Variants in SNCAIP observed in about 807,000 individuals in gnomAD.
SNCAIP encodes synuclein alpha interacting protein, also known as synphilin-1.
In SNCAIP, 43 loss-of-function variants were observed where a neutral mutation model predicts 86.7. The observed-to-expected ratio is 0.50, with a 90% CI of 0.39 to 0.64. SNCAIP has a LOEUF of 0.64. SNCAIP is among the 30% of genes least tolerant of loss of function. SNCAIP has a pLI of 0.00. For synonymous variants in SNCAIP, 417 were observed against 427.2 expected, an observed-to-expected ratio of 0.98 and a Z score of 0.29; for missense variants, 981 against 1,103.1, an observed-to-expected ratio of 0.89 and a Z score of 1.57.
intron 3 of SNCAIP, among the ~76,000 whole-genome samples, chr5:122,419,050 A>G (rs1775864625): frequency 6.6e-6 from 1 of 152,166 alleles, no homozygotes; most frequent in African/African-American, 2.4e-5. Flanking sequence ...GCAGGGGTCA[A>G]GGAAGGAGAA....
At chr5:122,374,865 T>C (rs1309840269) in intron 1 of SNCAIP, among the ~76,000 whole-genome samples, 1 of 152,140 alleles carries the variant, frequency 6.6e-6, no homozygotes, top group African/African-American at 2.4e-5. Context: ...AAGGTACACA[T>C]AAATAATCTT....
At chr5:122,379,452 G>A (rs1766156484) in intron 1 of SNCAIP, among the ~76,000 whole-genome samples, 2 of 116,906 alleles carry the variant, frequency 1.7e-5, no homozygotes, top group African/African-American at 6.8e-5. Flanking sequence ...GAGACGATGG[G>A]GTTTTCTAGA....
chr5:122,329,145 A>C (rs1251173461), intron 1 of SNCAIP, among the ~76,000 whole-genome samples: 1 of 152,184 alleles, frequency 6.6e-6, no homozygotes, highest in East Asian at 1.9e-4. Flanking sequence ...AATTATAGCA[A>C]AAATAATAGT....
intron 5 of SNCAIP, among the ~76,000 whole-genome samples, chr5:122,426,237 A>G (rs1296367257): frequency 6.6e-6 from 1 of 152,254 alleles, no homozygotes; most frequent in Admixed American, 6.5e-5. Context: ...CATATTTATT[A>G]AAAAGCCAGA....
chr5:122,421,208 T>C (rs1561723329), intron 3 of SNCAIP, among the ~76,000 whole-genome samples: 1 of 152,218 alleles, frequency 6.6e-6, no homozygotes, highest in East Asian at 1.9e-4. Context: ...CAGCTCGTAG[T>C]ATTCTCTTCT....
In SNCAIP at chr5:122,381,704, G is replaced by A. The variant is rs1001314801; in HGVS notation, c.-46-9385G>A. 8.3e-4 allele frequency among the ~76,000 whole-genome samples: 126 copies of A among 151,842 alleles called. 1 individual carries two copies. Among genetic ancestry groups the A allele is most frequent in the African/African-American group, 2.9e-3 (118 of 41,376 alleles). ...CCGGTTGTTCCTTTCCATGTTTAGCGGTTCCTTCAGGAGCTCTTTTAGGGC... is the reference window on the plus strand; with the variant it reads ...CCGGTTGTTCCTTTCCATGTTTAGCAGTTCCTTCAGGAGCTCTTTTAGGGC... On this transcript the variant is annotated intron_variant, in intron 1 of 10. Transcript: ENST00000261368.
At chr5:122,402,241 G>A (rs895139319) in intron 2 of SNCAIP, among the ~76,000 whole-genome samples, 2 of 152,106 alleles carry the variant, frequency 1.3e-5, no homozygotes, top group Non-Finnish European at 2.9e-5. Flanking sequence ...TCCTTAGAGA[G>A]CTTGTACTTG....
intron 4 of SNCAIP, among the ~76,000 whole-genome samples, 184 bp downstream of exon 4, chr5:122,423,923 G>A (rs1776881479): frequency 6.6e-6 from 1 of 152,122 alleles, no homozygotes; most frequent in Admixed American, 6.5e-5. Context: ...GTTAATACAG[G>A]GAAAACAAAT....
At chr5:122,452,112 A>G (rs1783821082) in intron 10 of SNCAIP, among the ~76,000 whole-genome samples, 1 of 152,160 alleles carries the variant, frequency 6.6e-6, no homozygotes, top group South Asian at 2.1e-4. Context: ...CACCACAGGG[A>G]CCTCCACATA....
At chr5:122,345,690 TTTGTTG>T (rs148446884) in intron 1 of SNCAIP, among the ~76,000 whole-genome samples, 1 of 151,552 alleles carries the variant, frequency 6.6e-6, no homozygotes, top group South Asian at 2.1e-4. Flanking sequence ...AGTCAGGGGA[TTTGTTG>T]TTGTTGTTGT....
chr5:122,444,756 A>G, intron 8 of SNCAIP, 24 bp downstream of exon 8: 1 of 1,592,070 alleles, frequency 6.3e-7, no homozygotes, highest in Non-Finnish European at 8.6e-7. Context: ...TGGTTCCATG[A>G]GAACCAAGTC....
At chr5:122,449,402 G>A (rs1462448310) in intron 8 of SNCAIP, among the ~76,000 whole-genome samples, 1 of 152,014 alleles carries the variant, frequency 6.6e-6, no homozygotes, top group Non-Finnish European at 1.5e-5. Context: ...GCTGCAAATA[G>A]TATTTTGTAG....
At chr5:122,439,207 G>A (rs1179528131) in intron 6 of SNCAIP, among the ~76,000 whole-genome samples, 1 of 152,204 alleles carries the variant, frequency 6.6e-6, no homozygotes, top group African/African-American at 2.4e-5. Flanking sequence ...TTGAAGAAGA[G>A]GACTAAGCAT....
chr5:122,440,384 A>G (rs977427913), intron 6 of SNCAIP: 23 of 484,066 alleles, frequency 4.8e-5, no homozygotes, highest in African/African-American at 4.1e-4. Flanking sequence ...TATAGAATAG[A>G]TAAGTAAAAT....
chr5:122,440,852 C>T, intron 7 of SNCAIP, 98 bp downstream of exon 7: 1 of 1,162,260 alleles, frequency 8.6e-7, no homozygotes, highest in Non-Finnish European at 1.3e-6. Context: ...TGAATTAATT[C>T]ACCTTTTGTA....
chr5:122,324,134 G>A (rs900341719), intron 1 of SNCAIP, among the ~76,000 whole-genome samples: 16 of 152,142 alleles, frequency 1.1e-4, no homozygotes, highest in African/African-American at 3.9e-4. Context: ...TTTGAGGCAG[G>A]CCCTTCCACA....
At chr5:122,373,719 TATC>T (rs1764717708) in intron 1 of SNCAIP, among the ~76,000 whole-genome samples, 1 of 152,224 alleles carries the variant, frequency 6.6e-6, no homozygotes, top group Non-Finnish European at 1.5e-5. Flanking sequence ...ACTCTTCTGG[TATC>T]ATATTGGATT....
chr5:122,425,853 A>T (rs1028148454), intron 5 of SNCAIP, among the ~76,000 whole-genome samples: 1 of 152,214 alleles, frequency 6.6e-6, no homozygotes, highest in Non-Finnish European at 1.5e-5. Context: ...TTTCTTCCTA[A>T]TATGACAATA....
intron 1 of SNCAIP, among the ~76,000 whole-genome samples, chr5:122,365,043 T>C (rs1002343238): frequency 7.2e-5 from 11 of 152,192 alleles, no homozygotes; most frequent in African/African-American, 2.7e-4. Flanking sequence ...CTCAAAAGAA[T>C]CTGCCATCTG....
Sources: gnomAD v4.1 joint callset for allele counts (sites outside exome capture counted in the v4.1 genomes callset) on GRCh38, gnomAD v4.1.1 for gene constraint, MANE v1.5 for transcripts, NCBI Gene and HGNC (gene_info 2026-07-23, HGNC 2026-07-21) for gene names.